NUBPL: variants seen among roughly 807,000 people sequenced by gnomAD.
NUBPL encodes NUBP iron-sulfur cluster assembly factor, mitochondrial.
Under a neutral mutation model 45.7 loss-of-function variants are expected in NUBPL, and 31 were observed. The ratio of observed to expected loss-of-function variants is 0.68; its 90% CI spans 0.51 to 0.92. The LOEUF is 0.92. Ranked by LOEUF, NUBPL falls within the 40% of genes least tolerant of loss-of-function variation. The pLI is 0.00. For synonymous variants in NUBPL, 144 were observed against 140.9 expected, an observed-to-expected ratio of 1.02 and a Z score of -0.15; for missense variants, 401 against 398.7, an observed-to-expected ratio of 1.01 and a Z score of -0.05.
intron 6 of NUBPL, among the ~76,000 whole-genome samples, chr14:31,691,730 G>A (rs576241485): frequency 2.6e-5 from 4 of 152,222 alleles, no homozygotes; most frequent in African/African-American, 9.6e-5. Context: ...TAGGAGGTGG[G>A]GTGAAGAATT....
At chr14:31,575,109 T>G (rs887305637) in intron 3 of NUBPL, among the ~76,000 whole-genome samples, 1 of 152,222 alleles carries the variant, frequency 6.6e-6, no homozygotes, top group South Asian at 2.1e-4. Flanking sequence ...TCTTCCTAGA[T>G]GTACTGCTTT....
Position 31,733,641 on chromosome 14 carries a change from A to T in NUBPL, c.514-54139A>T, listed in dbSNP as rs1415203139. 3.3e-5 allele frequency among the ~76,000 whole-genome samples: 5 copies of T among 152,304 alleles called. No homozygotes were observed. The East Asian group carries it at 9.6e-4, about 29-fold the overall frequency. ...ATTGAGTTTAGTATATTGACCTGTC[A>T]TACTACATTTCTGAAATCACTTATT... On this transcript the variant is annotated intron_variant, in intron 6 of 10. Transcript: ENST00000281081.
At chr14:31,822,769 A>G (rs2040039152) in intron 7 of NUBPL, among the ~76,000 whole-genome samples, 2 of 152,282 alleles carry the variant, frequency 1.3e-5, no homozygotes, top group African/African-American at 4.8e-5. Flanking sequence ...ATGCTTCGTG[A>G]GCATTTGACA....
intron 2 of NUBPL, among the ~76,000 whole-genome samples, chr14:31,562,603 T>G: frequency 9.3e-6 from 1 of 107,676 alleles, no homozygotes; most frequent in South Asian, 3.1e-4. Flanking sequence ...TTTTTTTTTT[T>G]GTTTTTTTTT....
At chr14:31,693,950 G>C (rs1428950777) in intron 6 of NUBPL, among the ~76,000 whole-genome samples, 1 of 149,560 alleles carries the variant, frequency 6.7e-6, no homozygotes, top group Non-Finnish European at 1.5e-5. Flanking sequence ...CCGCCTCCTG[G>C]GTTCACACCA....
intron 8 of NUBPL, among the ~76,000 whole-genome samples, chr14:31,838,289 A>G (rs2040315474): frequency 7.0e-6 from 1 of 142,054 alleles, no homozygotes; most frequent in Admixed American, 7.2e-5. Flanking sequence ...CAAAAAAAAA[A>G]AAAAAAAAAA....
intron 6 of NUBPL, among the ~76,000 whole-genome samples, chr14:31,705,618 G>T (rs2037432377): frequency 6.6e-6 from 1 of 151,834 alleles, no homozygotes; most frequent in Non-Finnish European, 1.5e-5. Context: ...AGTGCTGATT[G>T]GTGCGTTTAC....
chr14:31,842,824 TAA>T (rs1459857012), intron 8 of NUBPL, among the ~76,000 whole-genome samples: 1 of 152,130 alleles, frequency 6.6e-6, no homozygotes, highest in East Asian at 1.9e-4. Context: ...TATTTATTAA[TAA>T]GTTATATATT....
intron 8 of NUBPL, among the ~76,000 whole-genome samples, chr14:31,830,750 T>C (rs557343898): frequency 6.6e-6 from 1 of 152,322 alleles, no homozygotes; most frequent in Non-Finnish European, 1.5e-5. Context: ...ACCTGGCATA[T>C]AGCAGGCAGG....
chr14:31,566,782 G>A (rs372766266), intron 3 of NUBPL, among the ~76,000 whole-genome samples: 5 of 152,084 alleles, frequency 3.3e-5, no homozygotes, highest in East Asian at 3.9e-4. Flanking sequence ...AGGTAGGTCC[G>A]AGTCAGAGTG....
rs528724724 is a variant in NUBPL at position 31,853,877 on chromosome 14, G to T, written c.897+3676G>T. ...AATTCAATAGCATCCCCGCATGCTG[G>T]TATGATTAATACTGTTGATGCAATT... is the stretch of plus-strand genomic sequence containing the variant. On this transcript the variant is annotated intron_variant, in intron 10 of 10. Transcript: ENST00000281081. 9.2e-5 allele frequency among the ~76,000 whole-genome samples: 14 copies of T among 152,258 alleles called. No homozygotes were observed. In the South Asian group the frequency reaches 2.9e-3, roughly 32 times the overall value.
At chr14:31,851,305 AACTG>A (rs1406437275) in intron 10 of NUBPL, among the ~76,000 whole-genome samples, 1 of 151,320 alleles carries the variant, frequency 6.6e-6, no homozygotes, top group Non-Finnish European at 1.5e-5. Flanking sequence ...TTCCAAACAT[AACTG>A]CTGTTCTTTA....
intron 7 of NUBPL, among the ~76,000 whole-genome samples, chr14:31,825,671 T>C (rs185457990): frequency 2.8e-5 from 4 of 144,802 alleles, no homozygotes; most frequent in Admixed American, 2.7e-4. Flanking sequence ...TTTCCTTTTC[T>C]TTTTTTCTCT....
intron 6 of NUBPL, among the ~76,000 whole-genome samples, chr14:31,777,183 G>T (rs1243337885): frequency 6.6e-6 from 1 of 152,124 alleles, no homozygotes; most frequent in Non-Finnish European, 1.5e-5. Context: ...ATGGCTACAT[G>T]GCTCTATTTA....
chr14:31,702,960 C>CTAACAAATT (rs2037371057), intron 6 of NUBPL, among the ~76,000 whole-genome samples: 2 of 152,192 alleles, frequency 1.3e-5, no homozygotes, highest in Non-Finnish European at 2.9e-5. Flanking sequence ...TAACTAAAAA[C>CTAACAAATT]TGTGATTCCC....
At chr14:31,575,529 C>T (rs532928667) in intron 3 of NUBPL, among the ~76,000 whole-genome samples, 1 of 151,976 alleles carries the variant, frequency 6.6e-6, no homozygotes, top group Admixed American at 6.6e-5. Flanking sequence ...TTATTAGCTC[C>T]GTGTTATTAT....
intron 3 of NUBPL, 69 bp from the exon 4 acceptor site, chr14:31,599,220 G>A (rs1159963657): frequency 1.7e-6 from 2 of 1,186,084 alleles, no homozygotes; most frequent in Admixed American, 1.7e-5. Flanking sequence ...TCACCTTTGA[G>A]AAGAGTGGGA....
chr14:31,630,528 C>A (rs1412682865), intron 4 of NUBPL, among the ~76,000 whole-genome samples: 1 of 152,116 alleles, frequency 6.6e-6, no homozygotes, highest in Non-Finnish European at 1.5e-5. Context: ...ACACACTCTG[C>A]CTAGTTCTAG....
chr14:31,676,125 C>T (rs2890037), intron 6 of NUBPL, among the ~76,000 whole-genome samples: 44,645 of 151,786 alleles, frequency 0.29, 7,415 homozygotes, highest in South Asian at 0.4. Flanking sequence ...CAGGTTTAAG[C>T]AATTCTCCTG....
Sources: allele counts gnomAD v4.1 joint callset (sites outside exome capture counted in the v4.1 genomes callset), GRCh38; gene constraint gnomAD v4.1.1; transcripts MANE v1.5; gene names NCBI Gene and HGNC (gene_info 2026-07-23, HGNC 2026-07-21).